Variants in ELAPOR1 observed in about 807,000 individuals in gnomAD.
The protein encoded by ELAPOR1 is endosome-lysosome associated apoptosis and autophagy regulator 1, also known as endosome/lysosome-associated apoptosis and autophagy regulator 1.
Under a neutral mutation model 119.7 loss-of-function variants are expected in ELAPOR1, and 77 were observed. The ratio of observed to expected loss-of-function variants is 0.64; its 90% confidence interval spans 0.54 to 0.78. ELAPOR1 has a LOEUF of 0.78. Among genes scored for constraint, ELAPOR1 ranks in the 30% least tolerant of loss-of-function variants. The pLI, the probability that ELAPOR1 is intolerant of heterozygous loss-of-function variation, is 0.00. For missense variants in ELAPOR1, 1,115 were observed against 1,270.4 expected (o/e 0.88, Z 1.86); for synonymous variants, 481 against 487.2 (o/e 0.99, Z 0.17).
intron 1 of ELAPOR1, among the ~76,000 whole-genome samples, chr1:109,126,196 T>C (rs1187070848): frequency 6.6e-6 from 1 of 151,818 alleles, no homozygotes; most frequent in Non-Finnish European, 1.5e-5. Context: ...TTCTGAGGAG[T>C]GAGTTTAAGC....
intron 15 of ELAPOR1, among the ~76,000 whole-genome samples, chr1:109,195,231 C>T (rs895496467): frequency 2.6e-5 from 4 of 152,152 alleles, no homozygotes; most frequent in Non-Finnish European, 2.9e-5. Flanking sequence ...CGGTGGCTCA[C>T]GCCTGTAAAC....
chr1:109,124,394 C>G (rs1253867739), intron 1 of ELAPOR1, among the ~76,000 whole-genome samples: 1 of 152,102 alleles, frequency 6.6e-6, no homozygotes, highest in Non-Finnish European at 1.5e-5. Context: ...CCACATCTAG[C>G]TACTTTATTA....
At chr1:109,181,505 G>A (rs1303222017) in intron 7 of ELAPOR1, among the ~76,000 whole-genome samples, 2 of 152,096 alleles carry the variant, frequency 1.3e-5, no homozygotes, top group African/African-American at 4.8e-5. Context: ...ACCTTAACAG[G>A]GATCAGTGTG....
chr1:109,130,392 A>C (rs1339939695), intron 1 of ELAPOR1, among the ~76,000 whole-genome samples: 1 of 152,206 alleles, frequency 6.6e-6, no homozygotes, highest in Non-Finnish European at 1.5e-5. Context: ...AAGGAGTAAG[A>C]GTCACGGAGG....
intron 1 of ELAPOR1, among the ~76,000 whole-genome samples, chr1:109,131,054 C>T (rs1030110414): frequency 3.3e-5 from 5 of 152,150 alleles, no homozygotes; most frequent in Admixed American, 6.6e-5. Flanking sequence ...GATTCTGGCT[C>T]AGAGTCTCTT....
At chr1:109,154,753 T>C (rs1650763886) in intron 1 of ELAPOR1, among the ~76,000 whole-genome samples, 1 of 152,226 alleles carries the variant, frequency 6.6e-6, no homozygotes, top group African/African-American at 2.4e-5. Flanking sequence ...CAGTCATCCG[T>C]GTCTTCTTAG....
chr1:109,139,865 G>A (rs1490489630), intron 1 of ELAPOR1, among the ~76,000 whole-genome samples: 9 of 151,716 alleles, frequency 5.9e-5, no homozygotes, highest in South Asian at 2.1e-4. Context: ...TCTGACTCCC[G>A]GGCTCAAGCC....
chr1:109,195,744 T>C (rs180747935), intron 15 of ELAPOR1, among the ~76,000 whole-genome samples: 81 of 152,384 alleles, frequency 5.3e-4, no homozygotes, highest in African/African-American at 1.6e-3. Context: ...AGCCATTTCA[T>C]GCTGCTGCAA....
chr1:109,161,326 C>T (rs1435485555), intron 1 of ELAPOR1, among the ~76,000 whole-genome samples: 1 of 148,158 alleles, frequency 6.7e-6, no homozygotes, highest in African/African-American at 2.5e-5. Context: ...AGGAGAATCG[C>T]TTGAACCCAG....
At chr1:109,178,662 G>A (rs1652497581) in intron 7 of ELAPOR1, among the ~76,000 whole-genome samples, 1 of 152,104 alleles carries the variant, frequency 6.6e-6, no homozygotes, top group Admixed American at 6.6e-5. Flanking sequence ...GGAGAGCTGG[G>A]TGTAGAATGC....
chr1:109,117,359 G>A (rs778954226), intron 1 of ELAPOR1, among the ~76,000 whole-genome samples: 7 of 152,180 alleles, frequency 4.6e-5, no homozygotes, highest in Non-Finnish European at 1.0e-4. Flanking sequence ...CATTTCCCAA[G>A]GTGCAGTGAA....
At position 109,191,860 on chromosome 1, in the gene ELAPOR1, G is replaced by GTTCCT. The variant is rs1653459355; in HGVS notation, c.1680_1681insTTCCT (p.Ala561PhefsTer23). The GTTCCT allele has an allele frequency of 1.2e-6, 2 of 1,614,152 alleles. No homozygotes were observed. Among genetic ancestry groups the GTTCCT allele is most frequent in the Non-Finnish European group, 1.7e-6 (2 of 1,180,012 alleles). Reference sequence around the variant, plus strand: ...CCTTCCAGAGGACCACTTTTCATGAGGCAGTAAGTTCCTCCCCTTCCTCAG... The same window carrying GTTCCT: ...CCTTCCAGAGGACCACTTTTCATGAGTTCCTGCAGTAAGTTCCTCCCCTTCCTCAG... On this transcript the variant is annotated frameshift_variant, in exon 13 of 22. Transcript: ENST00000369939. LOFTEE classifies it high-confidence loss of function.
At chr1:109,152,952 CAAAAA>C (rs11392572) in intron 1 of ELAPOR1, among the ~76,000 whole-genome samples, 1 of 102,406 alleles carries the variant, frequency 9.8e-6, no homozygotes, top group African/African-American at 4.2e-5. Context: ...ACCCTGTCTC[CAAAAA>C]AAAAAAAAAA....
chr1:109,136,170 A>G (rs749828479), intron 1 of ELAPOR1, among the ~76,000 whole-genome samples: 1 of 152,194 alleles, frequency 6.6e-6, no homozygotes, highest in Non-Finnish European at 1.5e-5. Context: ...TGTGTGCCCC[A>G]GCACCTCAGA....
intron 14 of ELAPOR1, among the ~76,000 whole-genome samples, chr1:109,193,880 G>A (rs536754009): frequency 6.6e-6 from 1 of 152,304 alleles, no homozygotes; most frequent in Admixed American, 6.5e-5. Context: ...GTTGTGTGCG[G>A]CTACCGCTGA....
chr1:109,164,043 T>C (rs1445809625), intron 2 of ELAPOR1, among the ~76,000 whole-genome samples: 1 of 152,208 alleles, frequency 6.6e-6, no homozygotes, highest in African/African-American at 2.4e-5. Context: ...ATTTTTTTTA[T>C]AACAGCTTTA....
chr1:109,164,567 C>A lies in ELAPOR1; in HGVS notation c.343C>A (p.Arg115Ser). Residue 115 changes from arginine to serine, a missense_variant, in exon 3 of 22, where the codon CGC (arginine) becomes AGC (serine). By Grantham distance (110) the Arg-to-Ser change is moderately radical. Coordinates refer to ENST00000369939, the MANE Select transcript of ELAPOR1 (RefSeq NM_020775.5). ...GTCATGTAAGCCATGCGCTGAGGGC[C>A]GCTACTCCCTCGGCACAGGCATTCG... Reference protein sequence around the residue: ...DQSCKPCAEGRYSLGTGIRFD... With the variant: ...DQSCKPCAEGSYSLGTGIRFD... 4 of 1,614,208 alleles carry A rather than the reference C, an allele frequency of 2.5e-6. No homozygotes were observed. Among genetic ancestry groups the A allele is most frequent in the Non-Finnish European group, 3.4e-6 (4 of 1,180,026 alleles).
rs374713664 is a variant in ELAPOR1, at chr1:109,134,848, A to G, written c.153+20512A>G. ...ATCAGGGCTGCCCATAGGAGGTCTC[A>G]TCATTTCCAGCAGAGGAAAGAAACT... On this transcript the variant is annotated intron_variant, in intron 1 of 21. Coordinates refer to ENST00000369939, the MANE Select transcript of ELAPOR1 (RefSeq NM_020775.5). Among the ~76,000 whole-genome samples the G allele has an allele frequency of 6.8e-3, 1,030 of 152,258 alleles. 12 individuals are homozygous for G. The highest frequency in any genetic ancestry group is 0.023 in the African/African-American group (964 of 41,558).
At chr1:109,165,347 G>C (rs947620611) in intron 3 of ELAPOR1, among the ~76,000 whole-genome samples, 11 of 152,168 alleles carry the variant, frequency 7.2e-5, no homozygotes, top group African/African-American at 2.7e-4. Context: ...AGCACTCTGG[G>C]AGGCCGAGGC....
Sources: gnomAD v4.1 joint callset for allele counts (sites outside exome capture counted in the v4.1 genomes callset) on GRCh38, gnomAD v4.1.1 for gene constraint, MANE v1.5 for transcripts, NCBI Gene and HGNC (gene_info 2026-07-23, HGNC 2026-07-21) for gene names.